FAT3: variants seen among roughly 807,000 people sequenced by gnomAD.
FAT3 encodes FAT atypical cadherin 3, also known as protocadherin Fat 3.
In FAT3, 95 loss-of-function variants were observed where a neutral mutation model predicts 310.2. That is an observed-to-expected ratio of 0.31 (90% CI 0.26 to 0.36). The LOEUF (loss-of-function observed/expected upper bound fraction) is 0.36. Ranked by LOEUF, FAT3 falls within the 10% of genes least tolerant of loss-of-function variation. FAT3 has a pLI of 1.00. For missense variants in FAT3, 5,408 were observed against 5,715.6 expected (o/e 0.95, Z 1.74); for synonymous variants, 2,314 against 2,192.9 (o/e 1.06, Z -1.54).
At position 92,318,227 on chromosome 11, in the gene FAT3, A is replaced by G. The variant is rs558506566; in HGVS notation, c.-17-33869A>G. ...GAGACCTAGTGGTGAAGCAGGAAGC[A>G]ATCAGCTTCACACTATTTGGAGAAG... On this transcript the variant is annotated intron_variant, in intron 1 of 27. Coordinates refer to ENST00000525166, the MANE Select transcript of FAT3 (RefSeq NM_001367949.2). 3.1e-4 allele frequency among the ~76,000 whole-genome samples: 47 copies of G among 152,270 alleles called. 1 individual carries two copies. Among genetic ancestry groups the G allele is most frequent in the African/African-American group, 1.1e-3 (45 of 41,564 alleles).
intron 2 of FAT3, among the ~76,000 whole-genome samples, chr11:92,375,380 C>T (rs1015131405): frequency 1.3e-5 from 2 of 152,122 alleles, no homozygotes; most frequent in African/African-American, 4.8e-5. Flanking sequence ...GGCTCAAGCT[C>T]TCCTCCTGCC....
At chr11:92,278,421 G>A (rs1419790929) in intron 1 of FAT3, among the ~76,000 whole-genome samples, 4 of 151,966 alleles carry the variant, frequency 2.6e-5, no homozygotes, top group African/African-American at 7.2e-5. Flanking sequence ...CCTGTGTTTG[G>A]ATGTTCTATA....
chr11:92,426,761 C>T (rs765036684), intron 2 of FAT3, among the ~76,000 whole-genome samples: 8 of 152,180 alleles, frequency 5.3e-5, no homozygotes, highest in Non-Finnish European at 1.2e-4. Context: ...CAGTACCATG[C>T]TGTTTTGGTT....
intron 1 of FAT3, among the ~76,000 whole-genome samples, chr11:92,294,351 G>T (rs760395008): frequency 9.2e-5 from 14 of 151,944 alleles, no homozygotes; most frequent in Non-Finnish European, 1.9e-4. Context: ...TTAGGGCTTC[G>T]GCATATGAAT....
At chr11:92,748,923 C>A (rs1565562673) in intron 4 of FAT3, 1 of 152,152 alleles carries the variant, frequency 6.6e-6, no homozygotes, top group African/African-American at 2.4e-5. Flanking sequence ...TTTGTGTATA[C>A]TTTTCTTTCC....
In FAT3 at chr11:92,781,075, C is replaced by CTTT. The variant is rs10649331; in HGVS notation, c.4335+6910_4335+6912dup. On this transcript the variant is annotated intron_variant, in intron 7 of 27. Transcript: ENST00000525166. ...GGTTCTTTTTTTTCTTTTCTTTATTCTTTTTTTTTTTTTTTTTGAGACAGA... is the reference window on the plus strand; with the variant it reads ...GGTTCTTTTTTTTCTTTTCTTTATTCTTTTTTTTTTTTTTTTTTTTGAGACAGA... Among the ~76,000 whole-genome samples, 976 of 121,950 alleles carry CTTT rather than the reference C, an allele frequency of 8.0e-3. 26 individuals carry two copies. Among genetic ancestry groups the CTTT allele is most frequent in the African/African-American group, 0.028 (910 of 32,182 alleles). The allele number at this position is 121,950 out of a possible 152,430, so 80.0% of individuals were successfully genotyped here.
intron 5 of FAT3, 60 bp downstream of exon 5, chr11:92,762,230 C>A (rs2136087159): frequency 6.8e-7 from 1 of 1,464,664 alleles, no homozygotes; most frequent in Non-Finnish European, 9.3e-7. Context: ...TGTTCTTATT[C>A]AAGTATACTC....
At chr11:92,316,165 G>A (rs1307325311) in intron 1 of FAT3, among the ~76,000 whole-genome samples, 1 of 151,968 alleles carries the variant, frequency 6.6e-6, no homozygotes, top group Non-Finnish European at 1.5e-5. Context: ...CTACAGCTCT[G>A]ACATGCCTTG....
intron 2 of FAT3, among the ~76,000 whole-genome samples, chr11:92,499,745 G>A (rs1952880998): frequency 6.6e-6 from 1 of 151,934 alleles, no homozygotes; most frequent in East Asian, 1.9e-4. Flanking sequence ...GTGTGTGTGT[G>A]TGTGTGTGTG....
At chr11:92,599,586 A>G (rs1440013217) in intron 3 of FAT3, among the ~76,000 whole-genome samples, 1 of 152,206 alleles carries the variant, frequency 6.6e-6, no homozygotes, top group African/African-American at 2.4e-5. Flanking sequence ...CATTCCAAGC[A>G]CCAACCCCCA....
intron 19 of FAT3, 115 bp from the exon 20 acceptor site, chr11:92,857,099 A>G: frequency 1.3e-6 from 2 of 1,482,600 alleles, no homozygotes; most frequent in Non-Finnish European, 1.9e-6. Context: ...CTCAGAGCCC[A>G]CATATCCCAG....
chr11:92,656,450 A>G (rs1942584689), intron 3 of FAT3, among the ~76,000 whole-genome samples: 1 of 152,160 alleles, frequency 6.6e-6, no homozygotes, highest in South Asian at 2.1e-4. Context: ...AAAAACAAAT[A>G]TGTAGGAAGT....
rs1406758161 is a variant in FAT3, at chr11:92,335,915, T to G, written c.-17-16181T>G. On this transcript the variant is annotated intron_variant, in intron 1 of 27. Coordinates refer to ENST00000525166, the MANE Select transcript of FAT3 (RefSeq NM_001367949.2). Reference sequence around the variant, plus strand: ...GTCCAAAGTTTCAAAAACATCAGATTGGTATGCATTGACTCCTATGGATTT... The same window carrying G: ...GTCCAAAGTTTCAAAAACATCAGATGGGTATGCATTGACTCCTATGGATTT... 15 of 275,074 alleles carry G rather than the reference T, an allele frequency of 5.5e-5. No individual in the cohort carries two copies. The Admixed American group carries it at 7.3e-4, about 13-fold the overall frequency. 17.0% of individuals were successfully genotyped at this position (275,074 alleles called of 1,614,324 possible).
intron 3 of FAT3, among the ~76,000 whole-genome samples, chr11:92,551,414 T>TGTGTGTGTGTGTGTG (rs1954813785): frequency 7.8e-6 from 1 of 128,876 alleles, no homozygotes; most frequent in African/African-American, 2.9e-5. Flanking sequence ...TTTTTTTGTT[T>TGTGTGTGTGTGTGTG]TGTGTGTGTG....
chr11:92,685,176 C>A (rs975727917), intron 3 of FAT3, among the ~76,000 whole-genome samples: 2 of 152,146 alleles, frequency 1.3e-5, no homozygotes, highest in African/African-American at 4.8e-5. Flanking sequence ...ATGACAGATT[C>A]TTGTTTAAAT....
chr11:92,502,321 C>T (rs1952964073), intron 2 of FAT3, among the ~76,000 whole-genome samples: 1 of 151,978 alleles, frequency 6.6e-6, no homozygotes, highest in Admixed American at 6.6e-5. Context: ...TCTCTGAGGA[C>T]AGTGATAGAC....
intron 2 of FAT3, among the ~76,000 whole-genome samples, chr11:92,515,376 C>T (rs1252953826): frequency 6.6e-6 from 1 of 151,842 alleles, no homozygotes; most frequent in Non-Finnish European, 1.5e-5. Context: ...CCAAGATGTA[C>T]CAAAAAGTAT....
At chr11:92,423,822 G>T (rs922436389) in intron 2 of FAT3, among the ~76,000 whole-genome samples, 5 of 152,102 alleles carry the variant, frequency 3.3e-5, no homozygotes, top group Admixed American at 1.3e-4. Context: ...AACCTCAGTT[G>T]TTACTCTTAA....
chr11:92,254,286 A>G (rs1865233199), intron 1 of FAT3, among the ~76,000 whole-genome samples: 1 of 152,194 alleles, frequency 6.6e-6, no homozygotes, highest in Admixed American at 6.5e-5. Flanking sequence ...GACAAGATTT[A>G]AGAAATGTTG....
Sources: gnomAD v4.1 joint callset for allele counts (sites outside exome capture counted in the v4.1 genomes callset) on GRCh38, gnomAD v4.1.1 for gene constraint, MANE v1.5 for transcripts, NCBI Gene and HGNC (gene_info 2026-07-23, HGNC 2026-07-21) for gene names.